Variants in P2RY8 observed in about 807,000 individuals in gnomAD.
P2RY8 encodes the protein P2Y receptor family member 8.
Under a neutral mutation model 10.0 loss-of-function variants are expected in P2RY8, and 6 were observed. That is an observed-to-expected ratio of 0.60 (90% confidence interval 0.33 to 1.19). The LOEUF is 1.19. P2RY8 is among the 50% of genes most tolerant of loss of function. The pLI is 0.04. For missense variants in P2RY8, 456 were observed against 542.0 expected, an observed-to-expected ratio of 0.84 and a Z score of 1.58; for synonymous variants, 276 against 252.5, an observed-to-expected ratio of 1.09 and a Z score of -0.88.
At chrX:1,518,413 G>A (rs1232383356) in intron 1 of P2RY8, among the ~76,000 whole-genome samples, 64 of 121,076 alleles carry the variant, frequency 5.3e-4, no homozygotes, top group African/African-American at 1.9e-3. Context: ...GTGACAGAGC[G>A]AGACTCCGTC....
chrX:1,526,744 T>A (rs1353476254), intron 1 of P2RY8, among the ~76,000 whole-genome samples: 1 of 152,086 alleles, frequency 6.6e-6, no homozygotes, highest in African/African-American at 2.4e-5. Flanking sequence ...TACTCATTCA[T>A]TCATCCATTT....
In P2RY8 at chrX:1,466,047, C is replaced by G; in HGVS notation, c.512G>C (p.Gly171Ala). ...TDLTYPVHAL[G>A]IITCFDVLKW... The stretch of plus-strand genomic sequence containing the variant: ...GAGGACGTCGAAGCAGGTGATGATG[C>G]CCAGGGCGTGCACCGGGTAGGTGAG... Residue 171 changes from glycine (G) to alanine (A), a missense_variant, in exon 2 of 2, where the codon GGC (glycine) becomes GCC (alanine). Transcript: ENST00000381297. The G allele has an allele frequency of 1.9e-6, 3 of 1,611,746 alleles. No homozygotes were observed. The highest frequency in any genetic ancestry group is 2.5e-6 in the Non-Finnish European group (3 of 1,179,754).
At chrX:1,530,586 A>G (rs1269668519) in intron 1 of P2RY8, among the ~76,000 whole-genome samples, 3 of 149,730 alleles carry the variant, frequency 2.0e-5, no homozygotes, top group African/African-American at 7.3e-5. Context: ...CTATCTCTCT[A>G]TCATCACCAT....
chrX:1,499,960 G>T (rs1351593084), intron 1 of P2RY8, among the ~76,000 whole-genome samples: 1 of 145,610 alleles, frequency 6.9e-6, no homozygotes, highest in Admixed American at 7.2e-5. Flanking sequence ...CCGGGTTCCC[G>T]CCATTCTCCT....
chrX:1,517,823 T>A (rs1396880217), intron 1 of P2RY8, among the ~76,000 whole-genome samples: 2 of 152,116 alleles, frequency 1.3e-5, no homozygotes, highest in Admixed American at 1.3e-4. Context: ...CTTAGTAATC[T>A]CTCGGCCACA....
At chrX:1,502,841 C>T (rs778475414) in intron 1 of P2RY8, among the ~76,000 whole-genome samples, 1 of 149,028 alleles carries the variant, frequency 6.7e-6, no homozygotes, top group African/African-American at 2.5e-5. Context: ...GACGCGGCCA[C>T]AAGCCCAGGG....
In P2RY8 at chrX:1,529,838, G is replaced by T. The variant is rs1411500632; in HGVS notation, c.-25+7083C>A. ...TTTATCTGCCTACCATTTGACAGTG[G>T]TTTCAACTAGGGGTGATTTTTCTCA... is the stretch of plus-strand genomic sequence containing the variant. On this transcript the variant is annotated intron_variant, in intron 1 of 1. Coordinates refer to ENST00000381297, the MANE Select transcript of P2RY8 (RefSeq NM_178129.5). Among the ~76,000 whole-genome samples, 4 of 151,722 alleles carry T rather than the reference G, an allele frequency of 2.6e-5. 1 individual carries two copies. The highest frequency in any genetic ancestry group is 4.4e-5 in the Non-Finnish European group (3 of 67,950).
chrX:1,521,029 CTTTTCTTTTT>C (rs2092386681), intron 1 of P2RY8, among the ~76,000 whole-genome samples: 1 of 83,870 alleles, frequency 1.2e-5, no homozygotes, highest in South Asian at 4.2e-4. Flanking sequence ...TCTGATTTTT[CTTTTCTTTTT>C]TTTTTTTTTT....
At chrX:1,521,699 A>C (rs2149409784) in intron 1 of P2RY8, among the ~76,000 whole-genome samples, 1 of 152,160 alleles carries the variant, frequency 6.6e-6, no homozygotes, top group Admixed American at 6.5e-5. Context: ...GTTTACTTAG[A>C]AGTGAGTTGC....
intron 1 of P2RY8, among the ~76,000 whole-genome samples, chrX:1,508,282 G>A (rs1275786845): frequency 4.6e-5 from 7 of 152,072 alleles, no homozygotes; most frequent in African/African-American, 1.7e-4. Context: ...TTCAACTGGG[G>A]CCACTGTGGT....
intron 1 of P2RY8, among the ~76,000 whole-genome samples, chrX:1,508,064 C>T (rs1359293671): frequency 2.0e-5 from 3 of 152,138 alleles, no homozygotes; most frequent in Non-Finnish European, 1.5e-5. Flanking sequence ...CCTGTCCCCC[C>T]GACGCCCTGT....
rs760408659 is a variant in P2RY8, at chrX:1,465,565, A to T, written c.994T>A (p.Ser332Thr). 1 of 1,612,628 alleles carries T rather than the reference A, an allele frequency of 6.2e-7. No individual in the cohort carries two copies. Among genetic ancestry groups the T allele is most frequent in the South Asian group, 1.1e-5 (1 of 91,054 alleles). Residue 332 changes from serine to threonine, a missense_variant, in exon 2 of 2, where the codon TCC becomes ACC. Transcript: ENST00000381297. ...RESLFSARTT[S>T]VRSEAGAHPE... ...TGCGCACCGGCCTCGGAGCGCACGG[A>T]CGTGGTCCTGGCGGAGAAGAGGCTC...
intron 1 of P2RY8, among the ~76,000 whole-genome samples, chrX:1,467,507 A>G (rs772901097): frequency 1.4e-4 from 21 of 152,220 alleles, no homozygotes; most frequent in African/African-American, 5.1e-4. Context: ...GGAAAAGCAG[A>G]CCCTTCCTTC....
At chrX:1,515,933 G>A (rs1187591373) in intron 1 of P2RY8, among the ~76,000 whole-genome samples, 1 of 75,850 alleles carries the variant, frequency 1.3e-5, no homozygotes, top group Admixed American at 1.4e-4. Context: ...CAGCACTTTG[G>A]GAGGCCGAGG....
intron 1 of P2RY8, among the ~76,000 whole-genome samples, chrX:1,505,713 C>G (rs1447282232): frequency 2.0e-5 from 3 of 152,146 alleles, no homozygotes; most frequent in Admixed American, 6.6e-5. Flanking sequence ...TCGCTTGAAC[C>G]AGGGAGGCGG....
intron 1 of P2RY8, among the ~76,000 whole-genome samples, chrX:1,487,487 G>A (rs2091997317): frequency 6.6e-6 from 1 of 152,136 alleles, no homozygotes; most frequent in African/African-American, 2.4e-5. Flanking sequence ...GGGGCGTGGT[G>A]CTTGGGACCC....
At position 1,492,624 on chromosome X, in the gene P2RY8, T is replaced by C. The variant is rs1327443200; in HGVS notation, c.-24-26042A>G. Among the ~76,000 whole-genome samples, 3 of 152,124 alleles carry C rather than the reference T, an allele frequency of 2.0e-5. No homozygotes were observed. In the East Asian group the frequency reaches 5.8e-4, roughly 29 times the overall value. On this transcript the variant is annotated intron_variant, in intron 1 of 1. Coordinates refer to ENST00000381297, the MANE Select transcript of P2RY8 (RefSeq NM_178129.5). ...CCTGAAGCCCCCATAGAAATCCTAA[T>C]TATCCAATTTGACAATTTCCACCTT...
chrX:1,514,974 G>A (rs1248325430), intron 1 of P2RY8, among the ~76,000 whole-genome samples: 3 of 144,192 alleles, frequency 2.1e-5, no homozygotes, highest in South Asian at 2.3e-4. Flanking sequence ...CACTACCTCA[G>A]CTCACTGTAA....
chrX:1,519,700 C>A (rs1334252768), intron 1 of P2RY8, among the ~76,000 whole-genome samples: 2 of 152,078 alleles, frequency 1.3e-5, no homozygotes, highest in Admixed American at 6.6e-5. Flanking sequence ...CCCTTGGTCC[C>A]TAATCATCTC....
Sources: allele counts gnomAD v4.1 joint callset (sites outside exome capture counted in the v4.1 genomes callset), GRCh38; gene constraint gnomAD v4.1.1; transcripts MANE v1.5; gene names NCBI Gene and HGNC (gene_info 2026-07-23, HGNC 2026-07-21).